ZMYM5: variants seen among roughly 807,000 people sequenced by gnomAD.
ZMYM5 encodes the protein zinc finger MYM-type containing 5.
In ZMYM5, 41 loss-of-function variants were observed where a neutral mutation model predicts 61.8. That is an observed-to-expected ratio of 0.66 (90% CI 0.52 to 0.86). The LOEUF (loss-of-function observed/expected upper bound fraction) is 0.86, where lower values mean the gene tolerates loss of function less well. Among genes scored for constraint, ZMYM5 ranks in the 40% least tolerant of loss-of-function variants. The pLI, the probability that ZMYM5 is intolerant of heterozygous loss-of-function variation, is 0.00. For missense variants in ZMYM5, 706 were observed against 786.7 expected, an observed-to-expected ratio of 0.90 and a Z score of 1.23; for synonymous variants, 257 against 276.4, an observed-to-expected ratio of 0.93 and a Z score of 0.70.
In ZMYM5 at chr13:19,851,875, A is replaced by C; in HGVS notation, c.306T>G (p.Ser102=). The part of the protein sequence containing the change: ...PQGNYSVIPP[S]SRDLASQKGN... ...CTTTCTGAGATGCCAAATCTCTTGA[A>C]GAAGGAGGAATTACAGAATAATTTC... The change falls in exon 3 of 8, where the codon TCT becomes TCG. Residue 102 remains serine, a synonymous_variant. Transcript: ENST00000337963. 6.2e-7 allele frequency: 1 copy of C among 1,611,502 alleles called. No homozygotes were observed. Among genetic ancestry groups the C allele is most frequent in the Non-Finnish European group, 8.5e-7 (1 of 1,179,080 alleles).
intron 4 of ZMYM5, among the ~76,000 whole-genome samples, chr13:19,851,039 T>C (rs911830447): frequency 6.6e-6 from 1 of 151,994 alleles, no homozygotes; most frequent in Non-Finnish European, 1.5e-5. Context: ...TGAAACCCTA[T>C]CTCTACTAAA....
chr13:19,863,449 C>A lies in ZMYM5; in HGVS notation c.-79+1G>T, dbSNP rs896925092. The stretch of plus-strand genomic sequence containing the variant: ...TCACCCATCTCCGCCTCCCCACTCA[C>A]CTCGGCCTCCGCCTCCTCCTCCGGA... On this transcript the variant is annotated splice_donor_variant, in intron 1 of 7. Coordinates refer to ENST00000337963, the MANE Select transcript of ZMYM5 (RefSeq NM_001142684.2). LOFTEE classifies it low-confidence loss of function (5UTR_SPLICE). The A allele has an allele frequency of 1.2e-4, 18 of 152,776 alleles. 1 individual carries two copies. The highest frequency in any genetic ancestry group is 6.2e-4 in the South Asian group (3 of 4,838). The allele number at this position is 152,776 out of a possible 1,614,324, so 9.5% of individuals were successfully genotyped here.
Position 19,835,531 on chromosome 13 carries a change from A to G in ZMYM5, c.1197T>C (p.Ile399=), listed in dbSNP as rs958574120. 7.3e-7 allele frequency: 1 copy of G among 1,367,704 alleles called. No homozygotes were observed. The highest frequency in any genetic ancestry group is 9.8e-7 in the Non-Finnish European group (1 of 1,021,856). 84.7% of individuals were successfully genotyped at this position (1,367,704 alleles called of 1,614,324 possible). The change falls in exon 7 of 8, where the codon ATT becomes ATC. Residue 399 remains isoleucine, a synonymous_variant. Coordinates refer to ENST00000337963, the MANE Select transcript of ZMYM5 (RefSeq NM_001142684.2). The stretch of plus-strand genomic sequence containing the variant: ...AGCAAAATCTCTTCTGCTGACCTCC[A>G]ATCACCAGGATGTTGTTTCCAGTAC... ...SKSTGNNILV[I]GGQQKRFCCQ...
chr13:19,852,644 A>G (rs1953356283), intron 2 of ZMYM5, among the ~76,000 whole-genome samples: 1 of 152,134 alleles, frequency 6.6e-6, no homozygotes, highest in Non-Finnish European at 1.5e-5. Flanking sequence ...AATTATCTTT[A>G]TGCATCTTTT....
At chr13:19,838,174 C>T (rs973683210) in intron 5 of ZMYM5, among the ~76,000 whole-genome samples, 4 of 152,026 alleles carry the variant, frequency 2.6e-5, no homozygotes, top group African/African-American at 4.8e-5. Flanking sequence ...GTCAGGAGTT[C>T]GAGACCAGCC....
intron 5 of ZMYM5, among the ~76,000 whole-genome samples, chr13:19,838,216 A>G (rs1952737648): frequency 6.6e-6 from 1 of 152,164 alleles, no homozygotes; most frequent in Non-Finnish European, 1.5e-5. Context: ...GTCTCTACTA[A>G]AAATACAAAA....
intron 2 of ZMYM5, 150 bp from the exon 3 acceptor site, chr13:19,852,340 C>T: frequency 6.5e-6 from 5 of 770,050 alleles, no homozygotes; most frequent in Non-Finnish European, 5.7e-6. Context: ...CTAATGTTTA[C>T]TTCAGAGCTT....
chr13:19,824,916 G>A lies in ZMYM5; in HGVS notation c.1571C>T (p.Thr524Met), dbSNP rs892878474. Residue 524 changes from threonine (T) to methionine (M), a missense_variant, in exon 8 of 8, where the codon ACG becomes ATG. Around this residue, in one of 2 missense-constraint regions of ZMYM5, gnomAD observed 226 missense variants for 325.0 expected, o/e 0.70. Transcript: ENST00000337963. The stretch of plus-strand genomic sequence containing the variant: ...TTTAATATTCAAAATTCGGGGCCAC[G>A]TACCTGGATCTGCGGAAAGCACAAC... Reference protein sequence around the residue: ...VPVVLSADPGTWPRILNIKQR... With the variant: ...VPVVLSADPGMWPRILNIKQR... 1.2e-5 allele frequency: 16 copies of A among 1,361,674 alleles called. No individual in the cohort carries two copies. Among genetic ancestry groups the A allele is most frequent in the Middle Eastern group, 4.2e-4 (2 of 4,750 alleles). 84.3% of individuals were successfully genotyped at this position (1,361,674 alleles called of 1,614,324 possible). A position where few individuals can be genotyped will look rare whatever the true frequency, so the allele number is the denominator to read the frequency against.
At position 19,824,697 on chromosome 13, in the gene ZMYM5, C is replaced by G; in HGVS notation, c.1790G>C (p.Gly597Ala). ...SVFCLYCKLFGEGKNQLKNEN... is the reference protein window; with the variant it reads ...SVFCLYCKLFAEGKNQLKNEN... ...ATTTTTCAGTTGATTTTTTCCTTCC[C>G]CAAAGAGTTTGCAATATAGACAAAA... is the stretch of plus-strand genomic sequence containing the variant. The change falls in exon 8 of 8, where the codon GGG becomes GCG. Residue 597 changes from glycine (G) to alanine (A), a missense_variant. Coordinates refer to ENST00000337963, the MANE Select transcript of ZMYM5 (RefSeq NM_001142684.2). 1 of 1,350,540 alleles carries G rather than the reference C, an allele frequency of 7.4e-7. No homozygotes were observed. The highest frequency in any genetic ancestry group is 9.9e-7 in the Non-Finnish European group (1 of 1,014,370). The allele number at this position is 1,350,540 out of a possible 1,614,324, so 83.7% of individuals were successfully genotyped here. A position where few individuals can be genotyped will look rare whatever the true frequency, so the allele number is the denominator to read the frequency against.
chr13:19,835,927 G>A (rs563010763), intron 6 of ZMYM5, among the ~76,000 whole-genome samples: 3 of 151,806 alleles, frequency 2.0e-5, no homozygotes, highest in Non-Finnish European at 4.4e-5. Context: ...ATGTTCAAGC[G>A]ATTCTCCTGC....
intron 4 of ZMYM5, chr13:19,843,333 G>GT (rs1952948540): frequency 8.9e-6 from 1 of 112,306 alleles, no homozygotes; most frequent in Admixed American, 1.4e-4. Flanking sequence ...AGAGGTAGAG[G>GT]TTGCAGTGAG....
At chr13:19,825,284 A>G in intron 7 of ZMYM5, 49 bp from the exon 8 acceptor site, 2 of 1,180,250 alleles carry the variant, frequency 1.7e-6, no homozygotes, top group African/African-American at 3.2e-5. Context: ...ACTTTTAAAA[A>G]TTAATGTATA....
chr13:19,832,372 G>C (rs1314561942), intron 7 of ZMYM5, among the ~76,000 whole-genome samples: 2 of 151,746 alleles, frequency 1.3e-5, no homozygotes, highest in Non-Finnish European at 2.9e-5. Flanking sequence ...TGTTGCCCAG[G>C]CTGGAGTGCA....
chr13:19,827,788 T>C (rs1035145897), intron 7 of ZMYM5, among the ~76,000 whole-genome samples: 5 of 151,824 alleles, frequency 3.3e-5, no homozygotes, highest in African/African-American at 1.2e-4. Context: ...TCCCAGCACT[T>C]TGGGAGGCTG....
intron 4 of ZMYM5, among the ~76,000 whole-genome samples, chr13:19,844,620 A>C (rs2138571991): frequency 6.6e-6 from 1 of 152,272 alleles, no homozygotes; most frequent in East Asian, 1.9e-4. Context: ...TACAGTACAG[A>C]AAAAGAACTC....
At position 19,852,004 on chromosome 13, in the gene ZMYM5, ATC is replaced by A; in HGVS notation, c.175_176del (p.Asp59CysfsTer5). The A allele has an allele frequency of 6.2e-7, 1 of 1,608,134 alleles. No homozygotes were observed. Among genetic ancestry groups the A allele is most frequent in the Non-Finnish European group, 8.5e-7 (1 of 1,176,090 alleles). ...GTTGTATAGATTCAATAAACACAAC[ATC>A]ATCATCATCATCATCATCTTCCACT... ...SPVEDDDDDD[D>X]VVFIESIQPP... is the part of the protein sequence containing the mutation. On this transcript the variant is annotated frameshift_variant, in exon 3 of 8. Transcript: ENST00000337963. LOFTEE classifies it high-confidence loss of function.
chr13:19,838,985 T>C lies in ZMYM5; in HGVS notation c.587A>G (p.Asp196Gly). ...NGEFATHHSP[D>G]SWISQSASFP... ...TGAAGCTGACTGGGAGATCCAAGAATCTTAAAAATGAAACAAGAAAAAAAT... is the reference window on the plus strand; with the variant it reads ...TGAAGCTGACTGGGAGATCCAAGAACCTTAAAAATGAAACAAGAAAAAAAT... The change falls in exon 5 of 8, where the codon GAT becomes GGT. Residue 196 changes from aspartate (D) to glycine (G), a missense_variant and splice_region_variant. Asp to Gly is a moderately conservative substitution (Grantham distance 94). This residue lies in a region of ZMYM5 where 480 missense variants were observed against 461.7 expected (regional missense o/e 1.04). Coordinates refer to ENST00000337963, the MANE Select transcript of ZMYM5 (RefSeq NM_001142684.2). 6.3e-7 allele frequency: 1 copy of C among 1,595,592 alleles called. No individual in the cohort carries two copies. Among genetic ancestry groups the C allele is most frequent in the Non-Finnish European group, 8.5e-7 (1 of 1,172,468 alleles).
At chr13:19,857,182 A>T (rs993874774) in intron 2 of ZMYM5, among the ~76,000 whole-genome samples, 1 of 152,262 alleles carries the variant, frequency 6.6e-6, no homozygotes, top group Non-Finnish European at 1.5e-5. Context: ...ACTATGCTAC[A>T]TTGCTACATG....
chr13:19,863,183 C>A (rs1274723103), intron 1 of ZMYM5, among the ~76,000 whole-genome samples: 1 of 150,900 alleles, frequency 6.6e-6, no homozygotes, highest in Admixed American at 6.6e-5. Flanking sequence ...CCCCGGGCGG[C>A]CGGCAACCCG....
Sources: allele counts gnomAD v4.1 joint callset (sites outside exome capture counted in the v4.1 genomes callset), GRCh38; gene constraint gnomAD v4.1.1; regional missense constraint gnomAD v4.1.1; transcripts MANE v1.5; gene names NCBI Gene and HGNC (gene_info 2026-07-23, HGNC 2026-07-21).